Variants in SPIRE1 observed in about 807,000 individuals in gnomAD.
The protein encoded by SPIRE1 is spire type actin nucleation factor 1, also known as protein spire homolog 1.
Under a neutral mutation model 94.1 loss-of-function variants are expected in SPIRE1, and 40 were observed. That is an observed-to-expected ratio of 0.43 (90% confidence interval 0.33 to 0.55). The LOEUF is 0.55. SPIRE1 is among the 20% of genes least tolerant of loss of function. The pLI, the probability that SPIRE1 is intolerant of heterozygous loss-of-function variation, is 0.06. For synonymous variants in SPIRE1, 376 were observed against 371.7 expected, an observed-to-expected ratio of 1.01 and a Z score of -0.13; for missense variants, 838 against 975.2, an observed-to-expected ratio of 0.86 and a Z score of 1.87.
chr18:12,588,283 A>G (rs2036441000), intron 2 of SPIRE1: 1 of 152,486 alleles, frequency 6.6e-6, no homozygotes, highest in African/African-American at 2.4e-5. Flanking sequence ...AGATTAGGTT[A>G]AAAAAACTGC....
At chr18:12,451,674 T>C (rs2031246503) in intron 16 of SPIRE1, among the ~76,000 whole-genome samples, 1 of 152,226 alleles carries the variant, frequency 6.6e-6, no homozygotes, top group African/African-American at 2.4e-5. Flanking sequence ...AAGCCCAGCC[T>C]CTCGGCCCTG....
chr18:12,465,261 C>T (rs929720101), intron 10 of SPIRE1, among the ~76,000 whole-genome samples: 1 of 152,104 alleles, frequency 6.6e-6, no homozygotes, highest in African/African-American at 2.4e-5. Context: ...ACTGCAGCGT[C>T]TACCTTCTGG....
intron 2 of SPIRE1, among the ~76,000 whole-genome samples, chr18:12,574,103 G>T (rs1407187050): frequency 6.6e-6 from 1 of 152,132 alleles, no homozygotes; most frequent in Non-Finnish European, 1.5e-5. Flanking sequence ...AACAACATTG[G>T]TTCAATGTAG....
chr18:12,534,972 T>C (rs1002436025), intron 4 of SPIRE1, among the ~76,000 whole-genome samples: 7 of 152,258 alleles, frequency 4.6e-5, no homozygotes, highest in African/African-American at 1.7e-4. Context: ...TGCCAGATGC[T>C]GTGCTATTTT....
At chr18:12,600,973 C>T (rs576622518) in intron 2 of SPIRE1, among the ~76,000 whole-genome samples, 4 of 152,222 alleles carry the variant, frequency 2.6e-5, no homozygotes, top group South Asian at 4.1e-4. Flanking sequence ...CCACCTGCCT[C>T]GGACTCCTAA....
chr18:12,635,895 G>T lies in SPIRE1; in HGVS notation c.338-799C>A, dbSNP rs113661834. 1.2e-3 allele frequency among the ~76,000 whole-genome samples: 173 copies of T among 144,372 alleles called. 5 individuals are homozygous for T. The South Asian group carries it at 0.031, about 26-fold the overall frequency. 94.7% of individuals were successfully genotyped at this position (144,372 alleles called of 152,430 possible). On this transcript the variant is annotated intron_variant, in intron 1 of 16. Coordinates refer to ENST00000409402, the MANE Select transcript of SPIRE1 (RefSeq NM_001128626.2). The stretch of plus-strand genomic sequence containing the variant: ...AAATTGGGTTTTTTTGGTTTTTTTT[G>T]TTTTTTTTTTTGAGAAGCAGTCTCA...
chr18:12,647,238 T>C (rs1192935065), intron 1 of SPIRE1, among the ~76,000 whole-genome samples: 3 of 152,132 alleles, frequency 2.0e-5, no homozygotes, highest in African/African-American at 7.2e-5. Flanking sequence ...CTTTGGAAAA[T>C]TTCTGGCAAT....
intron 5 of SPIRE1, among the ~76,000 whole-genome samples, chr18:12,507,260 CTGAGA>C (rs1472620245): frequency 2.6e-5 from 4 of 152,174 alleles, no homozygotes; most frequent in Non-Finnish European, 5.9e-5. Flanking sequence ...CCACAGCTGA[CTGAGA>C]TAAGGCCACT....
At chr18:12,645,387 A>T (rs547216817) in intron 1 of SPIRE1, among the ~76,000 whole-genome samples, 78 of 152,106 alleles carry the variant, frequency 5.1e-4, no homozygotes, top group Middle Eastern at 3.4e-3. Context: ...CTATCTTCCC[A>T]CCCTAACCTG....
At chr18:12,652,066 G>A (rs558875162) in intron 1 of SPIRE1, among the ~76,000 whole-genome samples, 4 of 152,264 alleles carry the variant, frequency 2.6e-5, no homozygotes, top group Admixed American at 1.3e-4. Context: ...GTTGTCAGAC[G>A]GGTATTTAAG....
At chr18:12,567,769 G>C (rs2035854886) in intron 2 of SPIRE1, among the ~76,000 whole-genome samples, 1 of 152,148 alleles carries the variant, frequency 6.6e-6, no homozygotes, top group South Asian at 2.1e-4. Context: ...CTCAAGTATG[G>C]GAATTGACTG....
At chr18:12,480,251 A>G (rs1452613694) in intron 9 of SPIRE1, among the ~76,000 whole-genome samples, 1 of 152,254 alleles carries the variant, frequency 6.6e-6, no homozygotes, top group East Asian at 1.9e-4. Context: ...TACCAGACAC[A>G]TGGCTGTAAG....
At chr18:12,618,773 G>A (rs957426366) in intron 2 of SPIRE1, among the ~76,000 whole-genome samples, 1 of 152,122 alleles carries the variant, frequency 6.6e-6, no homozygotes, top group Non-Finnish European at 1.5e-5. Context: ...TCATAAGACT[G>A]TTATTTAACA....
chr18:12,657,726 C>T lies in SPIRE1; in HGVS notation c.141G>A (p.Arg47=), dbSNP rs2038593166. 4.3e-6 allele frequency: 6 copies of T among 1,404,388 alleles called. No individual in the cohort carries two copies. Among genetic ancestry groups the T allele is most frequent in the Non-Finnish European group, 5.6e-6 (6 of 1,071,180 alleles). The allele number at this position is 1,404,388 out of a possible 1,614,324, so 87.0% of individuals were successfully genotyped here. A position where few individuals can be genotyped will look rare whatever the true frequency, so the allele number is the denominator to read the frequency against. ...CCTCGTTGATGGGCTGGTTGTACAG[C>T]CGCAGGATCTCCTCCAGGCTCAGCG... The part of the protein sequence containing the change: ...RDALSLEEIL[R]LYNQPINEEQ... Residue 47 remains arginine, a synonymous_variant, in exon 1 of 17, where the codon CGG becomes CGA. Transcript: ENST00000409402.
chr18:12,544,433 G>A (rs1274726882), intron 3 of SPIRE1, among the ~76,000 whole-genome samples: 1 of 151,570 alleles, frequency 6.6e-6, no homozygotes, highest in Non-Finnish European at 1.5e-5. Flanking sequence ...TGAACTCTTG[G>A]CCTCAAGTGA....
chr18:12,480,740 C>T (rs1008040290), intron 9 of SPIRE1, among the ~76,000 whole-genome samples: 8 of 152,164 alleles, frequency 5.3e-5, no homozygotes, highest in African/African-American at 1.9e-4. Flanking sequence ...TGATGGCCTG[C>T]TTTTTGGTAC....
rs567366014 is a variant in SPIRE1 at position 12,490,790 on chromosome 18, A to C, written c.1189+2282T>G. 3.9e-5 allele frequency among the ~76,000 whole-genome samples: 6 copies of C among 152,320 alleles called. No individual in the cohort carries two copies. In the South Asian group the frequency reaches 1.2e-3, roughly 32 times the overall value. On this transcript the variant is annotated intron_variant, in intron 8 of 16. Transcript: ENST00000409402. ...AGGAATAGAAGGAAATTACCTCAACATAATAAAGGCCACATATGGAAAGCT... is the reference window on the plus strand; with the variant it reads ...AGGAATAGAAGGAAATTACCTCAACCTAATAAAGGCCACATATGGAAAGCT...
chr18:12,631,140 C>A (rs1337841606), intron 2 of SPIRE1, among the ~76,000 whole-genome samples: 1 of 152,082 alleles, frequency 6.6e-6, no homozygotes, highest in African/African-American at 2.4e-5. Flanking sequence ...CATCTGTGCT[C>A]TCATACCACA....
At chr18:12,548,262 T>A (rs1249640559) in intron 2 of SPIRE1, among the ~76,000 whole-genome samples, 1 of 152,238 alleles carries the variant, frequency 6.6e-6, no homozygotes, top group African/African-American at 2.4e-5. Flanking sequence ...GTATTTCATT[T>A]ATAGCTGGTA....
Sources: gnomAD v4.1 joint callset for allele counts (sites outside exome capture counted in the v4.1 genomes callset) on GRCh38, gnomAD v4.1.1 for gene constraint, MANE v1.5 for transcripts, NCBI Gene and HGNC (gene_info 2026-07-23, HGNC 2026-07-21) for gene names.